Variants in ACACA observed in about 807,000 individuals in gnomAD.
ACACA encodes the protein acetyl-CoA carboxylase alpha.
Under a neutral mutation model 296.1 loss-of-function variants are expected in ACACA, and 103 were observed. That is an observed-to-expected ratio of 0.35 (90% CI 0.30 to 0.41). The LOEUF (loss-of-function observed/expected upper bound fraction) is 0.41, where lower values mean the gene tolerates loss of function less well. Ranked by LOEUF, ACACA falls within the 10% of genes least tolerant of loss-of-function variation. The pLI is 1.00. For synonymous variants in ACACA, 953 were observed against 1,038.6 expected, an observed-to-expected ratio of 0.92 and a Z score of 1.58; for missense variants, 1,554 against 2,989.7, an observed-to-expected ratio of 0.52 and a Z score of 11.20.
intron 1 of ACACA, among the ~76,000 whole-genome samples, chr17:37,377,576 C>T (rs1244550609): frequency 6.6e-6 from 1 of 151,914 alleles, no homozygotes; most frequent in Non-Finnish European, 1.5e-5. Context: ...AGAAGAATCC[C>T]TTGAACCCAG....
chr17:37,215,483 T>C (rs1011679521), intron 29 of ACACA, among the ~76,000 whole-genome samples: 3 of 152,198 alleles, frequency 2.0e-5, no homozygotes, highest in African/African-American at 7.2e-5. Context: ...CATATTATAT[T>C]ATACAGAGTC....
chr17:37,232,051 A>G (rs2079885195), intron 25 of ACACA, among the ~76,000 whole-genome samples: 1 of 152,214 alleles, frequency 6.6e-6, no homozygotes, highest in African/African-American at 2.4e-5. Context: ...AGACAGAGTG[A>G]AAGATTACCA....
intron 1 of ACACA, among the ~76,000 whole-genome samples, chr17:37,362,737 G>A (rs1597710959): frequency 6.6e-6 from 1 of 152,146 alleles, no homozygotes. Context: ...TTGGGAGGCC[G>A]AGGCGAGGCG....
intron 3 of ACACA, among the ~76,000 whole-genome samples, chr17:37,298,528 G>GA (rs1275694493): frequency 1.3e-5 from 2 of 151,234 alleles, no homozygotes; most frequent in Admixed American, 6.6e-5. Flanking sequence ...CAAAAAACTT[G>GA]AAAAAAAAAT....
chr17:37,264,225 G>C (rs2081642288), intron 10 of ACACA, among the ~76,000 whole-genome samples: 1 of 152,162 alleles, frequency 6.6e-6, no homozygotes, highest in South Asian at 2.1e-4. Context: ...CCTGTACTCT[G>C]TACAACCAAA....
At chr17:37,168,027 C>T (rs1016143186) in intron 41 of ACACA, among the ~76,000 whole-genome samples, 1 of 152,174 alleles carries the variant, frequency 6.6e-6, no homozygotes, top group African/African-American at 2.4e-5. Flanking sequence ...GAGCCACATT[C>T]TGAGACTCTG....
chr17:37,307,418 G>A (rs2083932038), intron 3 of ACACA, among the ~76,000 whole-genome samples: 1 of 151,930 alleles, frequency 6.6e-6, no homozygotes, highest in Non-Finnish European at 1.5e-5. Flanking sequence ...TACCTTTTTT[G>A]GTTGGGCTAT....
At chr17:37,364,807 C>G (rs1279783916) in intron 1 of ACACA, among the ~76,000 whole-genome samples, 4 of 152,062 alleles carry the variant, frequency 2.6e-5, no homozygotes, top group Non-Finnish European at 5.9e-5. Flanking sequence ...TATTCTTATC[C>G]TTATACCTTT....
At chr17:37,092,857 G>C (rs1017113168) in intron 54 of ACACA, among the ~76,000 whole-genome samples, 7 of 152,212 alleles carry the variant, frequency 4.6e-5, no homozygotes. Context: ...ATTTTGGAAA[G>C]ACATTTTCAA....
At chr17:37,348,696 C>A (rs1369400314) in intron 1 of ACACA, among the ~76,000 whole-genome samples, 1 of 151,884 alleles carries the variant, frequency 6.6e-6, no homozygotes, top group African/African-American at 2.4e-5. Context: ...CAATGCTATA[C>A]GGGCGCGGTA....
intron 3 of ACACA, among the ~76,000 whole-genome samples, chr17:37,288,991 G>C (rs909048887): frequency 6.6e-6 from 1 of 152,118 alleles, no homozygotes; most frequent in Admixed American, 6.5e-5. Context: ...TGCCAGGCAT[G>C]GTGGCTCCCG....
chr17:37,390,586 C>G (rs1173294728), intron 1 of ACACA, among the ~76,000 whole-genome samples: 1 of 149,086 alleles, frequency 6.7e-6, no homozygotes, highest in East Asian at 2.0e-4. Flanking sequence ...GAGATTGCGC[C>G]ACTATACTCC....
At chr17:37,361,464 TG>T (rs760867634) in intron 1 of ACACA, among the ~76,000 whole-genome samples, 2 of 152,120 alleles carry the variant, frequency 1.3e-5, no homozygotes, top group Non-Finnish European at 2.9e-5. Context: ...TTGACTTCAC[TG>T]ATTATTTTAA....
chr17:37,133,678 A>G (rs1322514177), intron 45 of ACACA, among the ~76,000 whole-genome samples: 1 of 152,230 alleles, frequency 6.6e-6, no homozygotes, highest in Non-Finnish European at 1.5e-5. Flanking sequence ...ACTTTGACCT[A>G]CGCATTTCTT....
chr17:37,179,169 A>G, intron 41 of ACACA, 91 bp downstream of exon 41: 1 of 1,508,114 alleles, frequency 6.6e-7, no homozygotes, highest in South Asian at 1.1e-5. Context: ...CAAGACTACC[A>G]TGCTCCAGTG....
chr17:37,138,885 G>C (rs959626906), intron 45 of ACACA, among the ~76,000 whole-genome samples: 3 of 152,218 alleles, frequency 2.0e-5, no homozygotes, highest in African/African-American at 7.2e-5. Flanking sequence ...GTGGTAGGGA[G>C]CTGCAAAGCT....
chr17:37,391,610 T>C lies in ACACA; in HGVS notation c.38+14652A>G, dbSNP rs768461363. 6 of 1,584,924 alleles carry C rather than the reference T, an allele frequency of 3.8e-6. No homozygotes were observed. The Admixed American group carries it at 1.0e-4, about 26-fold the overall frequency. On this transcript the variant is annotated intron_variant, in intron 1 of 55. Transcript: ENST00000616317. ...GTACATGAAGAACTATACACTTGCA[T>C]CCTTTTTTAACTTTCATATTTCCTT...
chr17:37,405,040 C>T (rs1236981505), intron 1 of ACACA, among the ~76,000 whole-genome samples: 2 of 152,182 alleles, frequency 1.3e-5, no homozygotes, highest in Non-Finnish European at 2.9e-5. Flanking sequence ...TGGTCTTGCC[C>T]TTTCTCCATG....
chr17:37,227,408 T>C lies in ACACA; in HGVS notation c.3247-956A>G, dbSNP rs548445991. 3.3e-5 allele frequency among the ~76,000 whole-genome samples: 5 copies of C among 152,242 alleles called. No individual in the cohort carries two copies. The East Asian group carries it at 9.7e-4, about 29-fold the overall frequency. On this transcript the variant is annotated intron_variant, in intron 25 of 55. Transcript: ENST00000616317. ...CCATTTAGATATCACTACCTCTACT[T>C]GGAGTTTTAAATAATTGCCTTGGCT...
Sources: allele counts gnomAD v4.1 joint callset (sites outside exome capture counted in the v4.1 genomes callset), GRCh38; gene constraint gnomAD v4.1.1; transcripts MANE v1.5; gene names NCBI Gene and HGNC (gene_info 2026-07-23, HGNC 2026-07-21).